Variants in GALNT2 observed in about 807,000 individuals in gnomAD.
GALNT2 encodes the protein UDP-GalNAc:polypeptide N-acetylgalactosaminyltransferase 2.
GALNT2 carries 31 observed loss-of-function variants against 81.4 expected under a neutral mutation model. The ratio of observed to expected loss-of-function variants is 0.38; its 90% CI spans 0.29 to 0.51. GALNT2 has a LOEUF of 0.51. Among genes scored for constraint, GALNT2 ranks in the 20% least tolerant of loss-of-function variants. The probability of loss-of-function intolerance (pLI) is 0.87; values close to 1 mark genes in which losing one functional copy is unlikely to be tolerated. For missense variants in GALNT2, 629 were observed against 765.7 expected (o/e 0.82, Z 2.11); for synonymous variants, 303 against 287.4 (o/e 1.05, Z -0.55).
intron 1 of GALNT2, among the ~76,000 whole-genome samples, chr1:230,098,243 C>A (rs912066880): frequency 1.3e-5 from 2 of 152,018 alleles, no homozygotes; most frequent in African/African-American, 4.8e-5. Flanking sequence ...ATGCTGGCAC[C>A]CTAACAGGAG....
At chr1:230,197,950 G>A (rs902397180) in intron 2 of GALNT2, among the ~76,000 whole-genome samples, 1 of 152,138 alleles carries the variant, frequency 6.6e-6, no homozygotes, top group Non-Finnish European at 1.5e-5. Context: ...GACAGGCTTT[G>A]CGGTGGAACA....
chr1:230,247,972 G>A (rs866167474), intron 8 of GALNT2, among the ~76,000 whole-genome samples: 7 of 152,056 alleles, frequency 4.6e-5, no homozygotes, highest in African/African-American at 1.7e-4. Flanking sequence ...GTTTTCCTTC[G>A]TGGCCTTTGA....
At position 230,253,570 on chromosome 1, in the gene GALNT2, A is replaced by G. The variant is rs1322320790; in HGVS notation, c.1010-1648A>G. ...TTAATTTGTTAATTGACAGATAATAATTGTGCATATTCATGGGATACATAG... is the reference window on the plus strand; with the variant it reads ...TTAATTTGTTAATTGACAGATAATAGTTGTGCATATTCATGGGATACATAG... On this transcript the variant is annotated intron_variant, in intron 10 of 15. Transcript: ENST00000366672. Among the ~76,000 whole-genome samples the G allele has an allele frequency of 2.0e-5, 3 of 152,318 alleles. No homozygotes were observed. In the East Asian group the frequency reaches 5.8e-4, roughly 29 times the overall value.
intron 1 of GALNT2, among the ~76,000 whole-genome samples, chr1:230,113,807 A>G (rs1236380154): frequency 4.6e-5 from 7 of 152,154 alleles, no homozygotes; most frequent in Non-Finnish European, 8.8e-5. Flanking sequence ...TTTTCGGGGA[A>G]GGGGTCACTG....
chr1:230,121,060 G>C (rs1661001142), intron 1 of GALNT2, among the ~76,000 whole-genome samples: 1 of 152,198 alleles, frequency 6.6e-6, no homozygotes, highest in Non-Finnish European at 1.5e-5. Flanking sequence ...GCATCCTGCT[G>C]GCCACGTACC....
intron 14 of GALNT2, among the ~76,000 whole-genome samples, chr1:230,269,052 C>T (rs1053675691): frequency 6.6e-6 from 1 of 152,186 alleles, no homozygotes; most frequent in Non-Finnish European, 1.5e-5. Flanking sequence ...GTGGGCTTTC[C>T]CTTCCTTTCC....
chr1:230,058,130 T>C (rs1658959092), intron 1 of GALNT2: 1 of 455,954 alleles, frequency 2.2e-6, no homozygotes, highest in Non-Finnish European at 4.4e-6. Context: ...TCTGGGGCTA[T>C]GGGGGCGTCT....
upstream of GALNT2, among the ~76,000 whole-genome samples, chr1:230,065,422 GAT>G (rs562110679): frequency 4.5e-4 from 68 of 152,006 alleles, no homozygotes; most frequent in African/African-American, 1.6e-3. Context: ...TCTTATCCTA[GAT>G]ATGTGTGTGT....
At chr1:230,168,412 G>A (rs373540532) in intron 1 of GALNT2, among the ~76,000 whole-genome samples, 86 of 152,370 alleles carry the variant, frequency 5.6e-4, no homozygotes, top group African/African-American at 2.0e-3. Context: ...AGAGAGGATG[G>A]TGGCGTGGAA....
intron 1 of GALNT2, among the ~76,000 whole-genome samples, chr1:230,141,788 C>CTTTTTTTTTTTTTTTTT (rs60824749): frequency 3.0e-5 from 3 of 101,334 alleles, no homozygotes; most frequent in Admixed American, 1.3e-4. Context: ...TTTTGTTTTC[C>CTTTTTTTTTTTTTTTTT]TTTTTTTTTT....
chr1:230,263,248 C>G lies in GALNT2; in HGVS notation c.1313+243C>G, dbSNP rs141427925. The G allele has an allele frequency of 8.2e-4, 409 of 500,288 alleles. 2 individuals carry two copies. The highest frequency in any genetic ancestry group is 7.2e-3 in the African/African-American group (375 of 51,982). The allele number at this position is 500,288 out of a possible 1,614,324, so 31.0% of individuals were successfully genotyped here. A position where few individuals can be genotyped will look rare whatever the true frequency, so the allele number is the denominator to read the frequency against. On this transcript the variant is annotated intron_variant, in intron 13 of 15. Coordinates refer to ENST00000366672, the MANE Select transcript of GALNT2 (RefSeq NM_004481.5). ...CTTCGGAGTCCCAGAGGCAGTCCCC[C>G]GGGCCTCACCTTGTTTTTGGCTTGT...
rs575447877 is a variant in GALNT2 at position 230,148,738 on chromosome 1, C to T, written c.127-29480C>T. Among the ~76,000 whole-genome samples the T allele has an allele frequency of 1.4e-4, 21 of 151,998 alleles. No homozygotes were observed. The South Asian group carries it at 4.4e-3, about 32-fold the overall frequency. On this transcript the variant is annotated intron_variant, in intron 1 of 15. Coordinates refer to ENST00000366672, the MANE Select transcript of GALNT2 (RefSeq NM_004481.5). The stretch of plus-strand genomic sequence containing the variant: ...AGTAGCTGGGACTACAGGTGTGCAC[C>T]ACTATGCCCAGCTAATTTTTGTATT...
At chr1:230,242,504 AG>A (rs1665231827) in intron 6 of GALNT2, among the ~76,000 whole-genome samples, 2 of 152,094 alleles carry the variant, frequency 1.3e-5, no homozygotes, top group Non-Finnish European at 2.9e-5. Context: ...CACAACATCC[AG>A]GGATAAATAT....
intron 1 of GALNT2, among the ~76,000 whole-genome samples, chr1:230,154,367 T>C (rs1572026514): frequency 6.6e-6 from 1 of 152,162 alleles, no homozygotes; most frequent in East Asian, 1.9e-4. Flanking sequence ...CTGATGCCGT[T>C]GGTATTTTTA....
intron 1 of GALNT2, among the ~76,000 whole-genome samples, chr1:230,123,313 A>T (rs1324670338): frequency 6.6e-6 from 1 of 152,180 alleles, no homozygotes; most frequent in African/African-American, 2.4e-5. Flanking sequence ...GCTTTAGAGG[A>T]TGAACATTAT....
Position 230,250,452 on chromosome 1 carries a change from T to G in GALNT2, c.906-5T>G, listed in dbSNP as rs1402653804. ...CCCTCCCCCCTCTTCTTTCTGCCTC[T>G]TTAGAACCCCCATGATTGCTGGTGG... On this transcript the variant is annotated splice_region_variant and splice_polypyrimidine_tract_variant and intron_variant, in intron 9 of 15. Coordinates refer to ENST00000366672, the MANE Select transcript of GALNT2 (RefSeq NM_004481.5). The G allele has an allele frequency of 1.2e-6, 2 of 1,612,834 alleles. No homozygotes were observed.
At chr1:230,118,166 G>T (rs1271998685) in intron 1 of GALNT2, among the ~76,000 whole-genome samples, 1 of 152,174 alleles carries the variant, frequency 6.6e-6, no homozygotes, top group Non-Finnish European at 1.5e-5. Flanking sequence ...TTCATGACTG[G>T]AGAGCTCATT....
intron 1 of GALNT2, among the ~76,000 whole-genome samples, chr1:230,150,765 C>T (rs1467409754): frequency 6.6e-6 from 1 of 152,246 alleles, no homozygotes; most frequent in Non-Finnish European, 1.5e-5. Flanking sequence ...GGCACAGACA[C>T]ACACTCCTTT....
chr1:230,061,634 A>T (rs1659051102), intron 1 of GALNT2, among the ~76,000 whole-genome samples: 3 of 152,060 alleles, frequency 2.0e-5, no homozygotes, highest in Admixed American at 1.3e-4. Flanking sequence ...TATAGAGAAC[A>T]CTATCATGTT....
Sources: allele counts gnomAD v4.1 joint callset (sites outside exome capture counted in the v4.1 genomes callset), GRCh38; gene constraint gnomAD v4.1.1; transcripts MANE v1.5; gene names NCBI Gene and HGNC (gene_info 2026-07-23, HGNC 2026-07-21).